NRG2: variants seen among roughly 807,000 people sequenced by gnomAD.
The protein encoded by NRG2 is neuregulin 2, also known as pro-neuregulin-2, membrane-bound isoform.
A neutral mutation model predicts 73.9 loss-of-function variants in NRG2; 27 were observed. That is an observed-to-expected ratio of 0.37 (90% CI 0.27 to 0.50). The LOEUF (loss-of-function observed/expected upper bound fraction) is 0.50, where lower values mean the gene tolerates loss of function less well. NRG2 is among the 20% of genes least tolerant of loss of function. The pLI is 0.96. For synonymous variants in NRG2, 532 were observed against 541.0 expected (o/e 0.98, Z 0.23); for missense variants, 1,126 against 1,210.1 (o/e 0.93, Z 1.03).
Position 139,971,439 on chromosome 5 carries a change from C to T in NRG2, c.700+70931G>A, listed in dbSNP as rs188807180. Among the ~76,000 whole-genome samples the T allele has an allele frequency of 6.6e-5, 10 of 152,342 alleles. No homozygotes were observed. The East Asian group carries it at 1.9e-3, about 29-fold the overall frequency. ...TTGTGCCCACCATTCTTCACCCAAA[C>T]TCCTTTCACAATGGCAAGGAATTGC... On this transcript the variant is annotated intron_variant, in intron 1 of 9. Transcript: ENST00000361474.
At chr5:140,015,022 A>G (rs1356122571) in intron 1 of NRG2, among the ~76,000 whole-genome samples, 1 of 152,096 alleles carries the variant, frequency 6.6e-6, no homozygotes, top group Non-Finnish European at 1.5e-5. Flanking sequence ...TCCTTTCACC[A>G]TGATATCTAC....
rs565263920 is a variant in NRG2 at position 139,904,400 on chromosome 5, T to C, written c.701-16889A>G. 1.3e-6 allele frequency: 2 copies of C among 1,521,772 alleles called. No individual in the cohort carries two copies. The highest frequency in any genetic ancestry group is 2.3e-5 in the South Asian group (2 of 87,492). The allele number at this position is 1,521,772 out of a possible 1,614,324, so 94.3% of individuals were successfully genotyped here. On this transcript the variant is annotated intron_variant, in intron 1 of 9. Coordinates refer to ENST00000361474, the MANE Select transcript of NRG2 (RefSeq NM_004883.3). The surrounding 1 kb of genome is among the most constrained non-coding windows in gnomAD (Gnocchi z 6.0). ...CCCCTCCTCCTGGACTCCGACATTCTGCACGGGGTCCCAGGCGGTGGGACG... is the reference window on the plus strand; with the variant it reads ...CCCCTCCTCCTGGACTCCGACATTCCGCACGGGGTCCCAGGCGGTGGGACG...
Position 140,008,525 on chromosome 5 carries a change from C to T in NRG2, c.700+33845G>A, listed in dbSNP as rs1216188867. Reference sequence around the variant, plus strand: ...CCTTACTCCTTACTAAACCAAGTTTCCCTACAGTGAGCTCATCTTTACCTG... The same window carrying T: ...CCTTACTCCTTACTAAACCAAGTTTTCCTACAGTGAGCTCATCTTTACCTG... On this transcript the variant is annotated intron_variant, in intron 1 of 9. Transcript: ENST00000361474. This position sits in a 1 kb window ranked among gnomAD's most constrained non-coding sequence, Gnocchi z 4.2. 6.6e-6 allele frequency among the ~76,000 whole-genome samples: 1 copy of T among 152,206 alleles called. No homozygotes were observed. The highest frequency in any genetic ancestry group is 1.5e-5 in the Non-Finnish European group (1 of 68,032).
intron 1 of NRG2, among the ~76,000 whole-genome samples, chr5:139,949,307 C>A (rs148220842): frequency 6.6e-6 from 1 of 152,246 alleles, no homozygotes; most frequent in East Asian, 1.9e-4. Flanking sequence ...TATGATATCA[C>A]TATTTTAGGG....
chr5:140,009,548 A>G (rs1304016157), intron 1 of NRG2, among the ~76,000 whole-genome samples: 1 of 152,200 alleles, frequency 6.6e-6, no homozygotes, highest in East Asian at 1.9e-4. Flanking sequence ...TTACGGTAAG[A>G]GTAGTTTAAT....
At chr5:139,861,788 G>A (rs1561632735) in intron 5 of NRG2, 1 of 512,558 alleles carries the variant, frequency 2.0e-6, no homozygotes, top group African/African-American at 1.9e-5. Flanking sequence ...CTCTCACTGA[G>A]TAGTTAATGC....
At chr5:139,921,735 G>A (rs1751680068) in intron 1 of NRG2, among the ~76,000 whole-genome samples, 2 of 152,138 alleles carry the variant, frequency 1.3e-5, no homozygotes, top group South Asian at 2.1e-4. Flanking sequence ...CATAATATAT[G>A]AAAGAAATAA....
chr5:139,938,451 G>T (rs1753010854), intron 1 of NRG2, among the ~76,000 whole-genome samples: 1 of 151,740 alleles, frequency 6.6e-6, no homozygotes, highest in Non-Finnish European at 1.5e-5. Context: ...TTATCTCCCG[G>T]GCTCAAACAG....
At chr5:139,966,155 C>A (rs1014373454) in intron 1 of NRG2, among the ~76,000 whole-genome samples, 3 of 152,114 alleles carry the variant, frequency 2.0e-5, no homozygotes, top group Non-Finnish European at 4.4e-5. Flanking sequence ...GTCCAGAGAA[C>A]CTCGGTGCAC....
chr5:139,956,873 C>T (rs1255884995), intron 1 of NRG2, among the ~76,000 whole-genome samples: 3 of 152,194 alleles, frequency 2.0e-5, no homozygotes, highest in Non-Finnish European at 4.4e-5. Flanking sequence ...CTTCGTGGTA[C>T]AGTGGGTGTG....
At chr5:139,982,226 C>T (rs1756856215) in intron 1 of NRG2, among the ~76,000 whole-genome samples, 1 of 152,144 alleles carries the variant, frequency 6.6e-6, no homozygotes, top group South Asian at 2.1e-4. Context: ...AATCTGTCTT[C>T]CTCCCCCGAT....
intron 1 of NRG2, among the ~76,000 whole-genome samples, chr5:139,888,534 T>G (rs1488819382): frequency 6.6e-6 from 1 of 152,180 alleles, no homozygotes; most frequent in Non-Finnish European, 1.5e-5. Context: ...GGGAACTGAT[T>G]GGCCCTGTCT....
intron 1 of NRG2, among the ~76,000 whole-genome samples, chr5:139,922,036 A>C (rs1175596612): frequency 6.7e-6 from 1 of 148,702 alleles, no homozygotes; most frequent in Non-Finnish European, 1.5e-5. Context: ...ATGCCACTGC[A>C]CTCCAGCCTG....
chr5:139,951,131 C>T (rs1272345084), intron 1 of NRG2, among the ~76,000 whole-genome samples: 5 of 152,218 alleles, frequency 3.3e-5, no homozygotes, highest in East Asian at 1.9e-4. Flanking sequence ...CATGCTACCT[C>T]CCTAATGTGG....
intron 1 of NRG2, among the ~76,000 whole-genome samples, chr5:139,977,092 T>C (rs1756432115): frequency 6.6e-6 from 1 of 152,158 alleles, no homozygotes; most frequent in Non-Finnish European, 1.5e-5. Flanking sequence ...CTGAATAAAG[T>C]ATAAACTTTA....
chr5:139,960,294 C>G (rs1304086421), intron 1 of NRG2, among the ~76,000 whole-genome samples: 7 of 152,146 alleles, frequency 4.6e-5, no homozygotes, highest in African/African-American at 1.7e-4. Flanking sequence ...GCGGGCAGGT[C>G]ACCTGAGGTC....
chr5:139,866,675 C>T (rs966022213), intron 4 of NRG2, among the ~76,000 whole-genome samples: 2 of 152,188 alleles, frequency 1.3e-5, no homozygotes, highest in Admixed American at 6.5e-5. Context: ...CCATCACTGC[C>T]TGGACCTGCC....
chr5:139,853,653 G>A lies in NRG2; in HGVS notation c.1293-626C>T, dbSNP rs1258658623. Among the ~76,000 whole-genome samples the A allele has an allele frequency of 6.6e-6, 1 of 152,168 alleles. No individual in the cohort carries two copies. Among genetic ancestry groups the A allele is most frequent in the Non-Finnish European group, 1.5e-5 (1 of 68,034 alleles). ...GGGCCTGTGGGACTACTTCAGATTG[G>A]CACATATTAAATGCTCGATTTATTT... On this transcript the variant is annotated intron_variant, in intron 6 of 9. Transcript: ENST00000361474. This position sits in a 1 kb window ranked among gnomAD's most constrained non-coding sequence, Gnocchi z 4.1.
chr5:139,881,011 G>T (rs2127105337), intron 2 of NRG2, 37 bp from the exon 3 acceptor site: 1 of 1,573,906 alleles, frequency 6.4e-7, no homozygotes, highest in East Asian at 2.2e-5. Flanking sequence ...AGAGGCGTGA[G>T]CCAGGGCCGG....
Sources: gnomAD v4.1 joint callset for allele counts (sites outside exome capture counted in the v4.1 genomes callset) on GRCh38, gnomAD v4.1.1 for gene constraint, Gnocchi (gnomAD v3.1) non-coding constraint, MANE v1.5 for transcripts, NCBI Gene and HGNC (gene_info 2026-07-23, HGNC 2026-07-21) for gene names.